Variants in PTPRD observed in about 807,000 individuals in gnomAD.
The protein encoded by PTPRD is receptor-type tyrosine-protein phosphatase delta.
A neutral mutation model predicts 214.5 loss-of-function variants in PTPRD; 34 were observed. The ratio of observed to expected loss-of-function variants is 0.16; its 90% CI spans 0.12 to 0.21. The LOEUF (loss-of-function observed/expected upper bound fraction) is 0.21. Among genes scored for constraint, PTPRD ranks in the 10% least tolerant of loss-of-function variants. The pLI is 1.00. For missense variants in PTPRD, 2,545 were observed against 2,398.7 expected, an observed-to-expected ratio of 1.06 and a Z score of -1.27; for synonymous variants, 1,128 against 845.7, an observed-to-expected ratio of 1.33 and a Z score of -5.79.
At chr9:8,673,838 A>G (rs184104629) in intron 12 of PTPRD, among the ~76,000 whole-genome samples, 13 of 152,268 alleles carry the variant, frequency 8.5e-5, no homozygotes, top group African/African-American at 1.9e-4. Context: ...ATGATTTGTT[A>G]TAAGTGCTAT....
chr9:9,342,292 G>T (rs939822659), intron 9 of PTPRD, among the ~76,000 whole-genome samples: 2 of 152,038 alleles, frequency 1.3e-5, no homozygotes, highest in African/African-American at 4.8e-5. Flanking sequence ...ATTTCCCTGG[G>T]TCCCTGACTA....
At chr9:10,449,414 C>G (rs1191607052) in intron 2 of PTPRD, among the ~76,000 whole-genome samples, 1 of 151,846 alleles carries the variant, frequency 6.6e-6, no homozygotes, top group Non-Finnish European at 1.5e-5. Flanking sequence ...AGCCGCCTGC[C>G]TTGGCCTCCC....
At chr9:10,234,871 T>G (rs1256421330) in intron 3 of PTPRD, among the ~76,000 whole-genome samples, 1 of 151,850 alleles carries the variant, frequency 6.6e-6, no homozygotes, top group East Asian at 1.9e-4. Context: ...CTGAACTGAG[T>G]CTGCAATTCT....
chr9:10,138,893 T>A (rs1470767678), intron 3 of PTPRD, among the ~76,000 whole-genome samples: 1 of 152,032 alleles, frequency 6.6e-6, no homozygotes, highest in Non-Finnish European at 1.5e-5. Flanking sequence ...TGAAGGAACA[T>A]AGCTCAAAAT....
intron 10 of PTPRD, among the ~76,000 whole-genome samples, chr9:9,088,436 T>A (rs536105946): frequency 7.3e-4 from 110 of 150,890 alleles, no homozygotes; most frequent in African/African-American, 2.3e-3. Flanking sequence ...AAAAATTAGC[T>A]GGGCATGGTG....
intron 2 of PTPRD, among the ~76,000 whole-genome samples, chr9:10,441,217 C>T (rs1009307563): frequency 6.6e-6 from 1 of 151,682 alleles, no homozygotes; most frequent in Non-Finnish European, 1.5e-5. Flanking sequence ...ACCTTACAAT[C>T]ATTCAACTGC....
chr9:10,563,300 G>C (rs1321919978), intron 2 of PTPRD, among the ~76,000 whole-genome samples: 1 of 152,128 alleles, frequency 6.6e-6, no homozygotes, highest in Non-Finnish European at 1.5e-5. Flanking sequence ...TTATGAAGGT[G>C]TAAGTTCTAA....
At position 10,403,357 on chromosome 9, in the gene PTPRD, T is replaced by G. The variant is rs2098307646; in HGVS notation, c.-599-62340A>C. ...AATCTAAGTACACAGAAAGGATAAG[T>G]TAAACCATGCTTTAACTATTTTGAA... On this transcript the variant is annotated intron_variant, in intron 2 of 45. Transcript: ENST00000381196. Among the ~76,000 whole-genome samples, 3 of 149,208 alleles carry G rather than the reference T, an allele frequency of 2.0e-5. No individual in the cohort carries two copies. The South Asian group carries it at 6.3e-4, about 31-fold the overall frequency.
intron 28 of PTPRD, 38 bp downstream of exon 28, chr9:8,485,724 C>T (rs1267082751): frequency 6.6e-7 from 1 of 1,520,538 alleles, no homozygotes; most frequent in African/African-American, 1.4e-5. Context: ...GACTGACAAT[C>T]CTTTAAAGGA....
At chr9:9,929,986 T>G (rs2085835595) in intron 5 of PTPRD, among the ~76,000 whole-genome samples, 1 of 152,202 alleles carries the variant, frequency 6.6e-6, no homozygotes, top group Non-Finnish European at 1.5e-5. Flanking sequence ...TATACTCATT[T>G]ACCACCTAGT....
intron 5 of PTPRD, among the ~76,000 whole-genome samples, chr9:9,785,411 A>G (rs1474952292): frequency 6.6e-6 from 1 of 152,068 alleles, no homozygotes; most frequent in Non-Finnish European, 1.5e-5. Context: ...AGTATATATC[A>G]TTATCATGTA....
chr9:8,849,977 A>G (rs1275026540), intron 11 of PTPRD, among the ~76,000 whole-genome samples: 2 of 152,210 alleles, frequency 1.3e-5, no homozygotes, highest in African/African-American at 2.4e-5. Context: ...TGGAAAGGAA[A>G]TAAAGTGAAA....
intron 11 of PTPRD, among the ~76,000 whole-genome samples, chr9:8,762,960 G>A (rs2094499789): frequency 6.6e-6 from 1 of 152,118 alleles, no homozygotes. Flanking sequence ...GCGTGACACT[G>A]AAATGCCCAG....
intron 11 of PTPRD, among the ~76,000 whole-genome samples, chr9:8,904,220 T>C (rs1355617209): frequency 6.6e-6 from 1 of 152,234 alleles, no homozygotes; most frequent in East Asian, 1.9e-4. Flanking sequence ...ATTTATCTCC[T>C]AAGAACTACT....
At chr9:9,378,783 A>T (rs1484389071) in intron 9 of PTPRD, among the ~76,000 whole-genome samples, 1 of 152,062 alleles carries the variant, frequency 6.6e-6, no homozygotes, top group African/African-American at 2.4e-5. Flanking sequence ...TCACCTTTTC[A>T]TATGCTTAAT....
chr9:9,909,035 A>G lies in PTPRD; in HGVS notation c.-368+29472T>C, dbSNP rs116582669. On this transcript the variant is annotated intron_variant, in intron 5 of 45. Transcript: ENST00000381196. ...TATTCTATCAATATCACTGAGGTAA[A>G]TAAAGGATTTTTTTCACATATTTTC... Among the ~76,000 whole-genome samples, 421 of 149,966 alleles carry G rather than the reference A, an allele frequency of 2.8e-3. 4 individuals carry two copies. The highest frequency in any genetic ancestry group is 9.8e-3 in the African/African-American group (395 of 40,424).
intron 4 of PTPRD, among the ~76,000 whole-genome samples, chr9:9,979,044 A>T (rs138553441): frequency 7.2e-5 from 11 of 152,100 alleles, no homozygotes; most frequent in African/African-American, 2.7e-4. Context: ...CAGAGAAAAT[A>T]TTATTTTTTT....
intron 10 of PTPRD, among the ~76,000 whole-genome samples, chr9:9,019,228 C>T (rs532527908): frequency 7.1e-6 from 1 of 140,152 alleles, no homozygotes; most frequent in Admixed American, 7.4e-5. Context: ...TATAGAAAGA[C>T]AGAATCTACC....
intron 3 of PTPRD, among the ~76,000 whole-genome samples, chr9:10,241,261 T>C (rs1595106495): frequency 6.6e-6 from 1 of 152,088 alleles, no homozygotes; most frequent in East Asian, 1.9e-4. Flanking sequence ...GAATGTAAAA[T>C]GGTGCAGAAA....
Sources: allele counts gnomAD v4.1 joint callset (sites outside exome capture counted in the v4.1 genomes callset), GRCh38; gene constraint gnomAD v4.1.1; transcripts MANE v1.5; gene names NCBI Gene and HGNC (gene_info 2026-07-23, HGNC 2026-07-21).